Variants in MYOF observed in about 807,000 individuals in gnomAD.
The protein encoded by MYOF is fer-1-like 3, myoferlin.
In MYOF, 244 loss-of-function variants were observed where a neutral mutation model predicts 284.2. That is an observed-to-expected ratio of 0.86 (90% CI 0.77 to 0.95). The LOEUF (loss-of-function observed/expected upper bound fraction) is 0.95, where lower values mean the gene tolerates loss of function less well. Among genes scored for constraint, MYOF ranks in the 40% least tolerant of loss-of-function variants. The pLI, the probability that MYOF is intolerant of heterozygous loss-of-function variation, is 0.00. For missense variants in MYOF, 2,496 were observed against 2,560.6 expected, an observed-to-expected ratio of 0.97 and a Z score of 0.54; for synonymous variants, 904 against 919.7, an observed-to-expected ratio of 0.98 and a Z score of 0.31.
At chr10:93,348,208 C>T (rs1483225059) in intron 36 of MYOF, among the ~76,000 whole-genome samples, 1 of 152,218 alleles carries the variant, frequency 6.6e-6, no homozygotes, top group East Asian at 1.9e-4. Context: ...ACAAGGCTAA[C>T]TAGCCCAGGG....
intron 5 of MYOF, among the ~76,000 whole-genome samples, chr10:93,415,744 A>G (rs1292980201): frequency 6.6e-6 from 1 of 152,106 alleles, no homozygotes; most frequent in African/African-American, 2.4e-5. Context: ...CACAGATCCT[A>G]TCTCCTGTTG....
rs1346685960 is a variant in MYOF, at chr10:93,337,923, T to C, written c.4339-10A>G. ...CCACGATTTCTTCCTCCTAAAGACA[T>C]GCCAAAATGGAAAAATCTTTAGTGA... On this transcript the variant is annotated splice_polypyrimidine_tract_variant and intron_variant, in intron 39 of 53. Transcript: ENST00000359263. The C allele has an allele frequency of 1.9e-6, 3 of 1,602,652 alleles. No homozygotes were observed. In the African/African-American group the frequency reaches 4.0e-5, roughly 21 times the overall value.
intron 39 of MYOF, among the ~76,000 whole-genome samples, chr10:93,339,392 T>TGTGTGTGTGTGA (rs1491076907): frequency 6.7e-6 from 1 of 148,806 alleles, no homozygotes; most frequent in East Asian, 1.9e-4. Context: ...TGTGTGTGTG[T>TGTGTGTGTGTGA]GAATGCGTGT....
At chr10:93,324,189 A>T (rs1842950341) in intron 46 of MYOF, 1 of 152,168 alleles carries the variant, frequency 6.6e-6, no homozygotes, top group African/African-American at 2.4e-5. Context: ...AACTATATCA[A>T]CCGTACAAAC....
chr10:93,402,423 G>C (rs547292288), intron 10 of MYOF, 76 bp from the exon 11 acceptor site: 2 of 1,182,330 alleles, frequency 1.7e-6, no homozygotes, highest in South Asian at 2.5e-5. Flanking sequence ...TCTGCCATAA[G>C]ATAAGCTGCA....
intron 3 of MYOF, among the ~76,000 whole-genome samples, chr10:93,432,814 A>T (rs1226394736): frequency 6.6e-6 from 1 of 152,192 alleles, no homozygotes; most frequent in African/African-American, 2.4e-5. Flanking sequence ...TGTTTTACTC[A>T]CTACTCTAAC....
intron 20 of MYOF, among the ~76,000 whole-genome samples, chr10:93,380,190 T>C (rs963968773): frequency 6.6e-6 from 1 of 152,196 alleles, no homozygotes; most frequent in Non-Finnish European, 1.5e-5. Flanking sequence ...AAATTTTCTC[T>C]GAGACACCCT....
At chr10:93,352,054 T>C (rs1176120251) in intron 32 of MYOF, among the ~76,000 whole-genome samples, 1 of 152,158 alleles carries the variant, frequency 6.6e-6, no homozygotes, top group Non-Finnish European at 1.5e-5. Flanking sequence ...CCCTGATGTG[T>C]ACTGAGAGGT....
At chr10:93,364,359 T>C (rs1845227541) in intron 26 of MYOF, among the ~76,000 whole-genome samples, 1 of 152,384 alleles carries the variant, frequency 6.6e-6, no homozygotes, top group East Asian at 1.9e-4. Context: ...GAAAACAGTA[T>C]TGTGGGCAGC....
Position 93,349,861 on chromosome 10 carries a change from T to C in MYOF, c.4030A>G (p.Lys1344Glu). 6.2e-7 allele frequency: 1 copy of C among 1,614,122 alleles called. No individual in the cohort carries two copies. Among genetic ancestry groups the C allele is most frequent in the South Asian group, 1.1e-5 (1 of 91,076 alleles). ...AAGTTGGGTGTCTTCTTAAGGTTTT[T>C]GATCACCACCGATTCCACCCTTTCT... ...GGERVESVVI[K>E]NLKKTPNFPS... The change falls in exon 36 of 54, where the codon AAA becomes GAA. Residue 1344 changes from lysine (K) to glutamate (E), a missense_variant. By Grantham distance (56) the Lys-to-Glu change is moderately conservative (BLOSUM62 1). Coordinates refer to ENST00000359263, the MANE Select transcript of MYOF (RefSeq NM_013451.4).
At chr10:93,456,497 C>T (rs1384804910) in intron 2 of MYOF, among the ~76,000 whole-genome samples, 1 of 152,174 alleles carries the variant, frequency 6.6e-6, no homozygotes. Context: ...TTGTCACATG[C>T]AGACATGTTT....
At chr10:93,312,946 C>A (rs1333875208) in intron 51 of MYOF, 74 bp downstream of exon 51, 2 of 1,436,862 alleles carry the variant, frequency 1.4e-6, no homozygotes, top group Admixed American at 2.2e-5. Context: ...TGGAGTAAGT[C>A]TATGGATAAA....
intron 1 of MYOF, among the ~76,000 whole-genome samples, chr10:93,462,885 C>T (rs1413283995): frequency 1.3e-5 from 2 of 151,674 alleles, no homozygotes; most frequent in Non-Finnish European, 2.9e-5. Context: ...TTACAGGAAA[C>T]TCCCTCCCCT....
intron 19 of MYOF, among the ~76,000 whole-genome samples, chr10:93,385,171 T>C (rs867231538): frequency 6.6e-6 from 1 of 152,188 alleles, no homozygotes; most frequent in African/African-American, 2.4e-5. Flanking sequence ...GAACAGACTC[T>C]TGATCCTGGA....
intron 1 of MYOF, among the ~76,000 whole-genome samples, chr10:93,473,489 C>T (rs1466762689): frequency 1.3e-5 from 2 of 152,240 alleles, no homozygotes; most frequent in Non-Finnish European, 2.9e-5. Context: ...CAAGAGGCCT[C>T]ACTAAGGACA....
intron 3 of MYOF, among the ~76,000 whole-genome samples, chr10:93,446,160 A>G (rs1175844184): frequency 1.3e-5 from 2 of 151,224 alleles, no homozygotes; most frequent in East Asian, 3.9e-4. Context: ...GTGGAGGGGC[A>G]GGAAATCATG....
chr10:93,453,386 G>A (rs192423430), intron 2 of MYOF, among the ~76,000 whole-genome samples: 2,055 of 151,342 alleles, frequency 0.014, 57 homozygotes, highest in South Asian at 0.11. Flanking sequence ...GGCTGGTCTC[G>A]AACTCCTGAC....
intron 29 of MYOF, 53 bp downstream of exon 29, chr10:93,359,780 T>C: frequency 3.1e-6 from 5 of 1,604,356 alleles, no homozygotes; most frequent in East Asian, 2.2e-5. Flanking sequence ...TGGGACTTTG[T>C]AGTCAGGAGG....
intron 26 of MYOF, among the ~76,000 whole-genome samples, chr10:93,366,033 T>C (rs1386923968): frequency 2.2e-5 from 3 of 135,042 alleles, no homozygotes; most frequent in Non-Finnish European, 3.5e-5. Flanking sequence ...TCGGCATCTG[T>C]GAAACTGACG....
Sources: gnomAD v4.1 joint callset for allele counts (sites outside exome capture counted in the v4.1 genomes callset) on GRCh38, gnomAD v4.1.1 for gene constraint, MANE v1.5 for transcripts, NCBI Gene and HGNC (gene_info 2026-07-23, HGNC 2026-07-21) for gene names.